Variants in QRSL1 observed in about 807,000 individuals in gnomAD.
QRSL1 encodes the protein glutaminyl-tRNA amidotransferase subunit QRSL1.
QRSL1 carries 54 observed loss-of-function variants against 61.6 expected under a neutral mutation model. The observed-to-expected ratio is 0.88, with a 90% CI of 0.70 to 1.10. The LOEUF (loss-of-function observed/expected upper bound fraction) is 1.10, where lower values mean the gene tolerates loss of function less well. Ranked by LOEUF, QRSL1 falls within the 50% of genes least tolerant of loss-of-function variation. The probability of loss-of-function intolerance (pLI) is 0.00; values close to 1 mark genes in which losing one functional copy is unlikely to be tolerated. For synonymous variants in QRSL1, 228 were observed against 225.7 expected (o/e 1.01, Z -0.09); for missense variants, 505 against 622.6 (o/e 0.81, Z 2.01).
chr6:106,639,138 T>G (rs199943352), intron 1 of QRSL1, among the ~76,000 whole-genome samples: 6,744 of 143,684 alleles, frequency 0.047, 339 homozygotes, highest in South Asian at 0.11. Flanking sequence ...TTTTTTTTTT[T>G]TTTTTTTTGA....
At chr6:106,640,294 A>C in intron 1 of QRSL1, 55 bp from the exon 2 acceptor site, 3 of 1,497,464 alleles carry the variant, frequency 2.0e-6, no homozygotes, top group Non-Finnish European at 2.8e-6. Context: ...CACCAATATA[A>C]CAATTGAAAC....
intron 8 of QRSL1, 60 bp downstream of exon 8, chr6:106,654,982 CTTA>C (rs1413108811): frequency 2.1e-6 from 3 of 1,423,210 alleles, no homozygotes; most frequent in Middle Eastern, 3.7e-4. Context: ...GAAAAGTTCA[CTTA>C]TTAGTGACAA....
At chr6:106,661,236 C>T (rs1371769891) in intron 9 of QRSL1, among the ~76,000 whole-genome samples, 4 of 152,098 alleles carry the variant, frequency 2.6e-5, no homozygotes, top group Non-Finnish European at 4.4e-5. Flanking sequence ...GCCTCAGCCT[C>T]CCCAGTAGCT....
At chr6:106,657,067 C>G (rs188358975) in intron 9 of QRSL1, among the ~76,000 whole-genome samples, 3 of 152,108 alleles carry the variant, frequency 2.0e-5, no homozygotes, top group African/African-American at 7.2e-5. Context: ...GTTAGGAGTT[C>G]GAGACCAGCT....
At chr6:106,637,645 A>G (rs752285292) in intron 1 of QRSL1, among the ~76,000 whole-genome samples, 2 of 152,228 alleles carry the variant, frequency 1.3e-5, no homozygotes, top group African/African-American at 2.4e-5. Flanking sequence ...GGTAGGCACT[A>G]AACAGGAGAA....
At chr6:106,665,643 A>G in intron 10 of QRSL1, 139 bp from the exon 11 acceptor site, 1 of 721,594 alleles carries the variant, frequency 1.4e-6, no homozygotes, top group Non-Finnish European at 2.4e-6. Context: ...CATAGTACAA[A>G]AGCATTATAT....
intron 4 of QRSL1, among the ~76,000 whole-genome samples, chr6:106,647,925 C>CA (rs1301827052): frequency 4.0e-5 from 6 of 149,386 alleles, no homozygotes; most frequent in African/African-American, 2.5e-5. Flanking sequence ...GCTGGGATTA[C>CA]AGGCGTGAGC....
chr6:106,637,554 G>A (rs939197188), intron 1 of QRSL1, among the ~76,000 whole-genome samples: 1 of 152,134 alleles, frequency 6.6e-6, no homozygotes, highest in Non-Finnish European at 1.5e-5. Context: ...CGGAATGTTT[G>A]AGAGAAGAGG....
intron 4 of QRSL1, among the ~76,000 whole-genome samples, chr6:106,646,241 A>C (rs1434660591): frequency 6.6e-6 from 1 of 152,206 alleles, no homozygotes; most frequent in East Asian, 1.9e-4. Context: ...AATTGCCTTC[A>C]TCAGCTGATC....
At chr6:106,652,831 T>C in intron 7 of QRSL1, 1 of 1,333,480 alleles carries the variant, frequency 7.5e-7, no homozygotes, top group East Asian at 2.5e-5. Context: ...AAATTGTTTC[T>C]GTAATGGGCA....
At chr6:106,637,248 A>G (rs1194046147) in intron 1 of QRSL1, among the ~76,000 whole-genome samples, 1 of 152,212 alleles carries the variant, frequency 6.6e-6, no homozygotes, top group Non-Finnish European at 1.5e-5. Context: ...TTGGAGATCA[A>G]ACGGATGTTA....
chr6:106,658,428 C>G (rs1459801536), intron 9 of QRSL1, among the ~76,000 whole-genome samples: 1 of 152,172 alleles, frequency 6.6e-6, no homozygotes, highest in Non-Finnish European at 1.5e-5. Flanking sequence ...AGGGTACACT[C>G]CTGTAGTTAC....
At chr6:106,641,704 A>G (rs550838479) in intron 3 of QRSL1, among the ~76,000 whole-genome samples, 2 of 152,352 alleles carry the variant, frequency 1.3e-5, no homozygotes, top group African/African-American at 4.8e-5. Flanking sequence ...AGCTAGAGAA[A>G]ATTTTAGTTG....
chr6:106,649,204 A>G lies in QRSL1; in HGVS notation c.557+3A>G. 6.2e-7 allele frequency: 1 copy of G among 1,613,392 alleles called. No homozygotes were observed. The highest frequency in any genetic ancestry group is 8.5e-7 in the Non-Finnish European group (1 of 1,179,716). On this transcript the variant is annotated splice_donor_region_variant and intron_variant, in intron 5 of 10. Coordinates refer to ENST00000369046, the MANE Select transcript of QRSL1 (RefSeq NM_018292.5). ...GTATCGGCGTTCACATGCTACGCGT[A>G]AGATGCTTTTCTCTATCTGTATTTT...
At chr6:106,659,506 T>G (rs1777322605) in intron 9 of QRSL1, among the ~76,000 whole-genome samples, 1 of 152,192 alleles carries the variant, frequency 6.6e-6, no homozygotes, top group South Asian at 2.1e-4. Context: ...TGTTTTAATG[T>G]TCTTATCTAC....
rs763639020 is a variant in QRSL1, at chr6:106,652,238, C to T, written c.587C>T (p.Thr196Ile). 2 of 1,614,042 alleles carry T rather than the reference C, an allele frequency of 1.2e-6. No individual in the cohort carries two copies. The change falls in exon 6 of 11, where the codon ACC (threonine) becomes ATC (isoleucine). Residue 196 changes from threonine (T) to isoleucine (I), a missense_variant. Physicochemically the swap from Thr to Ile is moderately conservative, Grantham distance 89 (BLOSUM62 -1). Coordinates refer to ENST00000369046, the MANE Select transcript of QRSL1 (RefSeq NM_018292.5). ...AALGSDTGGS[T>I]RNPAAHCGLV... ...TTAGGATCAGATACAGGAGGATCGA[C>T]CAGAAATCCTGCTGCCCACTGTGGG...
intron 9 of QRSL1, among the ~76,000 whole-genome samples, chr6:106,660,336 C>CT (rs1006129690): frequency 2.0e-5 from 3 of 151,612 alleles, no homozygotes; most frequent in Non-Finnish European, 4.4e-5. Context: ...CCCCACCCCC[C>CT]CCGTGAAGCT....
intron 1 of QRSL1, among the ~76,000 whole-genome samples, chr6:106,638,626 C>G (rs1776960364): frequency 6.6e-6 from 1 of 152,120 alleles, no homozygotes; most frequent in Non-Finnish European, 1.5e-5. Flanking sequence ...TTCATACAAA[C>G]CATTAGACGA....
rs1003183253 is a variant in QRSL1, at chr6:106,666,284, T to C, written c.*282T>C. On this transcript the variant is annotated 3_prime_UTR_variant, in exon 11 of 11. Transcript: ENST00000369046. ...CCGAGATCATGCCACTGCACTGCAC[T>C]CCAGCCTGGGTGACAAAGCAAGACT... 1.3e-5 allele frequency: 5 copies of C among 378,676 alleles called. No homozygotes were observed. The highest frequency in any genetic ancestry group is 1.0e-4 in the African/African-American group (5 of 48,310). 23.5% of individuals were successfully genotyped at this position (378,676 alleles called of 1,614,324 possible).
Sources: gnomAD v4.1 joint callset for allele counts (sites outside exome capture counted in the v4.1 genomes callset) on GRCh38, gnomAD v4.1.1 for gene constraint, MANE v1.5 for transcripts, NCBI Gene and HGNC (gene_info 2026-07-23, HGNC 2026-07-21) for gene names.